ASCC2: variants seen among roughly 807,000 people sequenced by gnomAD.
The protein encoded by ASCC2 is activating signal cointegrator 1 complex subunit 2, also known as ASC-1 complex subunit P100.
Under a neutral mutation model 93.5 loss-of-function variants are expected in ASCC2, and 42 were observed. The ratio of observed to expected loss-of-function variants is 0.45; its 90% CI spans 0.35 to 0.58. The LOEUF (loss-of-function observed/expected upper bound fraction) is 0.58. ASCC2 is among the 20% of genes least tolerant of loss of function. ASCC2 has a pLI of 0.00. For synonymous variants in ASCC2, 364 were observed against 384.2 expected (o/e 0.95, Z 0.62); for missense variants, 859 against 977.6 (o/e 0.88, Z 1.62).
intron 1 of ASCC2, among the ~76,000 whole-genome samples, chr22:29,837,084 G>A (rs1259024981): frequency 6.6e-6 from 1 of 152,200 alleles, no homozygotes; most frequent in Non-Finnish European, 1.5e-5. Context: ...CTGGCTTGAG[G>A]AAGAAGTGAT....
intron 14 of ASCC2, 135 bp from the exon 15 acceptor site, chr22:29,801,245 A>C: frequency 2.1e-3 from 2,392 of 1,141,530 alleles, no homozygotes; most frequent in Non-Finnish European, 2.6e-3. Flanking sequence ...ACACAATCTC[A>C]AAACCTTGAA....
At chr22:29,834,217 G>A (rs2063498209) in intron 1 of ASCC2, 1 of 231,992 alleles carries the variant, frequency 4.3e-6, no homozygotes, top group Non-Finnish European at 8.7e-6. Flanking sequence ...TCACTATACT[G>A]TGTCTAGTTT....
At chr22:29,794,444 A>G (rs1457538825) in intron 15 of ASCC2, among the ~76,000 whole-genome samples, 1 of 151,946 alleles carries the variant, frequency 6.6e-6, no homozygotes, top group African/African-American at 2.4e-5. Context: ...GTGAGCCGAG[A>G]TCACGCCACT....
At chr22:29,831,187 C>T (rs1253585415) in intron 2 of ASCC2, among the ~76,000 whole-genome samples, 1 of 152,194 alleles carries the variant, frequency 6.6e-6, no homozygotes, top group Non-Finnish European at 1.5e-5. Context: ...GAAAAGAACA[C>T]TTCCAGATTT....
In ASCC2 at chr22:29,808,169, C is replaced by G; in HGVS notation, c.850G>C (p.Glu284Gln). ...GACTCCATTTCGGGAATTGCTGCTT[C>G]GTAGAAGGAAGCTAGTCTGTGCAGG... ...DFCYRLASFY[E>Q]AAIPEMESAI... The change falls in exon 9 of 20, where the codon GAA becomes CAA. Residue 284 changes from glutamate (E) to glutamine (Q), a missense_variant. By Grantham distance (29) the Glu-to-Gln change is conservative. Coordinates refer to ENST00000307790, the MANE Select transcript of ASCC2 (RefSeq NM_032204.5). The G allele has an allele frequency of 6.2e-7, 1 of 1,614,204 alleles. No homozygotes were observed. Among genetic ancestry groups the G allele is most frequent in the Non-Finnish European group, 8.5e-7 (1 of 1,180,036 alleles).
intron 2 of ASCC2, among the ~76,000 whole-genome samples, chr22:29,830,372 C>T (rs572282721): frequency 2.0e-5 from 3 of 152,352 alleles, no homozygotes; most frequent in Admixed American, 2.0e-4. Flanking sequence ...CTCTGCTATA[C>T]TGTTGCCACC....
Position 29,804,638 on chromosome 22 carries a change from C to T in ASCC2, c.1353G>A (p.Glu451=). 1 of 1,613,656 alleles carries T rather than the reference C, an allele frequency of 6.2e-7. No homozygotes were observed. Among genetic ancestry groups the T allele is most frequent in the Non-Finnish European group, 8.5e-7 (1 of 1,179,658 alleles). ...SSHPENSEEE[E]CMGAAAAVGP... ...GGAAAAGCGCCACTCAGACACATAC[C>T]TCCTCTTCCTCCGAGTTCTCCGGAT... Residue 451 remains glutamate, a splice_region_variant and synonymous_variant, in exon 13 of 20, where the codon GAG becomes GAA. Coordinates refer to ENST00000307790, the MANE Select transcript of ASCC2 (RefSeq NM_032204.5).
chr22:29,792,408 C>T (rs757334372), intron 18 of ASCC2, 25 bp downstream of exon 18: 2 of 1,612,878 alleles, frequency 1.2e-6, no homozygotes, highest in South Asian at 1.1e-5. Flanking sequence ...CTCTCCCCTT[C>T]ATCTGCTACC....
intron 14 of ASCC2, among the ~76,000 whole-genome samples, chr22:29,801,691 T>C (rs2059101459): frequency 1.3e-5 from 2 of 152,082 alleles, no homozygotes; most frequent in Admixed American, 6.5e-5. Flanking sequence ...GTCAGGAATG[T>C]AGGGGATCAG....
At chr22:29,797,975 C>T (rs1369656351) in intron 15 of ASCC2, among the ~76,000 whole-genome samples, 3 of 152,108 alleles carry the variant, frequency 2.0e-5, no homozygotes, top group African/African-American at 7.2e-5. Flanking sequence ...CCATGTTGGC[C>T]AGGTTGGTTT....
chr22:29,788,853 C>A lies in ASCC2; in HGVS notation c.*160G>T. On this transcript the variant is annotated 3_prime_UTR_variant, in exon 20 of 20. Coordinates refer to ENST00000307790, the MANE Select transcript of ASCC2 (RefSeq NM_032204.5). Reference sequence around the variant, plus strand: ...GTGTTCTGCAGGAAGGCGCTCATGGCTGGCTGGTAGATGAGAGGCGGCCTT... The same window carrying A: ...GTGTTCTGCAGGAAGGCGCTCATGGATGGCTGGTAGATGAGAGGCGGCCTT... 1.2e-6 allele frequency: 1 copy of A among 839,990 alleles called. No individual in the cohort carries two copies. The highest frequency in any genetic ancestry group is 1.7e-5 in the South Asian group (1 of 59,818). 52.0% of individuals were successfully genotyped at this position (839,990 alleles called of 1,614,324 possible). A position where few individuals can be genotyped will look rare whatever the true frequency, so the allele number is the denominator to read the frequency against.
intron 2 of ASCC2, among the ~76,000 whole-genome samples, chr22:29,828,017 G>T (rs1726837554): frequency 6.6e-6 from 1 of 151,790 alleles, no homozygotes; most frequent in Admixed American, 6.6e-5. Flanking sequence ...CCCACAGGGG[G>T]AAGATGGACA....
Position 29,831,353 on chromosome 22 carries a change from T to C in ASCC2, c.81+892A>G, listed in dbSNP as rs561409930. On this transcript the variant is annotated intron_variant, in intron 2 of 19. Coordinates refer to ENST00000307790, the MANE Select transcript of ASCC2 (RefSeq NM_032204.5). ...TAATTCTGTGACTCTGAACTCTCAG[T>C]TTCCTCATCTGTAAAATGGAGACAA... 3.3e-5 allele frequency among the ~76,000 whole-genome samples: 5 copies of C among 152,358 alleles called. No homozygotes were observed. In the East Asian group the frequency reaches 9.6e-4, roughly 29 times the overall value.
chr22:29,801,885 G>A (rs560886104), intron 14 of ASCC2, 109 bp downstream of exon 14: 2 of 946,134 alleles, frequency 2.1e-6, no homozygotes, highest in Non-Finnish European at 3.2e-6. Flanking sequence ...TGGCTGGGAA[G>A]AGAGAACAAG....
rs543324466 is a variant in ASCC2 at position 29,831,761 on chromosome 22, C to T, written c.81+484G>A. Among the ~76,000 whole-genome samples, 11 of 152,334 alleles carry T rather than the reference C, an allele frequency of 7.2e-5. 1 individual carries two copies. The East Asian group carries it at 2.1e-3, about 29-fold the overall frequency. ...GTTCATAGCCTCCTTATTTTTCAGT[C>T]TCACTAGCTCTGCCGGGGTGTTTGT... On this transcript the variant is annotated intron_variant, in intron 2 of 19. Coordinates refer to ENST00000307790, the MANE Select transcript of ASCC2 (RefSeq NM_032204.5).
At chr22:29,821,680 T>G (rs2061568060) in intron 5 of ASCC2, among the ~76,000 whole-genome samples, 1 of 152,216 alleles carries the variant, frequency 6.6e-6, no homozygotes, top group Non-Finnish European at 1.5e-5. Context: ...CTATGTCTGA[T>G]GCATGGCCAA....
chr22:29,808,295 C>G (rs763997231), intron 8 of ASCC2, 110 bp from the exon 9 acceptor site: 10 of 1,127,220 alleles, frequency 8.9e-6, no homozygotes, highest in South Asian at 8.6e-5. Context: ...TTTTTCCACA[C>G]AATTTTCTCC....
chr22:29,801,602 T>C (rs2059087233), intron 14 of ASCC2, among the ~76,000 whole-genome samples: 1 of 152,166 alleles, frequency 6.6e-6, no homozygotes, highest in East Asian at 1.9e-4. Context: ...GCCAAATAAA[T>C]GGTAGGTGTG....
chr22:29,828,325 C>G (rs2062711858), intron 2 of ASCC2, among the ~76,000 whole-genome samples: 1 of 152,174 alleles, frequency 6.6e-6, no homozygotes, highest in South Asian at 2.1e-4. Flanking sequence ...CATTGTGGAC[C>G]TGCCCTGTGC....
Sources: allele counts gnomAD v4.1 joint callset (sites outside exome capture counted in the v4.1 genomes callset), GRCh38; gene constraint gnomAD v4.1.1; transcripts MANE v1.5; gene names NCBI Gene and HGNC (gene_info 2026-07-23, HGNC 2026-07-21).